The following NLK variants were observed in gnomAD, a reference collection of about 807,000 sequenced individuals.
NLK encodes serine/threonine-protein kinase NLK.
Under a neutral mutation model 59.0 loss-of-function variants are expected in NLK, and 11 were observed. The ratio of observed to expected loss-of-function variants is 0.19; its 90% CI spans 0.12 to 0.31. NLK has a LOEUF of 0.31. Among genes scored for constraint, NLK ranks in the 10% least tolerant of loss-of-function variants. The probability of loss-of-function intolerance (pLI) is 1.00; values close to 1 mark genes in which losing one functional copy is unlikely to be tolerated. For synonymous variants in NLK, 235 were observed against 235.9 expected (o/e 1.00, Z 0.03); for missense variants, 410 against 661.1 (o/e 0.62, Z 4.16).
intron 1 of NLK, among the ~76,000 whole-genome samples, chr17:28,104,554 G>A (rs117703964): frequency 0.012 from 1,868 of 151,850 alleles, 17 homozygotes; most frequent in Middle Eastern, 0.024. Flanking sequence ...ACACCCGGCC[G>A]GGTTTTAGTT....
intron 4 of NLK, among the ~76,000 whole-genome samples, chr17:28,161,941 C>A (rs1190735363): frequency 6.6e-6 from 1 of 150,958 alleles, no homozygotes; most frequent in Non-Finnish European, 1.5e-5. Context: ...AAATACTTTC[C>A]CCCTGCCCCA....
At chr17:28,112,820 G>A (rs1026116603) in intron 1 of NLK, among the ~76,000 whole-genome samples, 12 of 152,228 alleles carry the variant, frequency 7.9e-5, no homozygotes, top group Admixed American at 2.6e-4. Context: ...TGCTGACAGC[G>A]CTTTCCTGTG....
chr17:28,071,918 G>C (rs1910018444), intron 1 of NLK, among the ~76,000 whole-genome samples: 1 of 152,246 alleles, frequency 6.6e-6, no homozygotes, highest in African/African-American at 2.4e-5. Flanking sequence ...AGGGCTTGGA[G>C]TGTTTTCTCT....
rs758704569 is a variant in NLK at position 28,156,195 on chromosome 17, G to A, written c.645-4965G>A. 9.3e-4 allele frequency among the ~76,000 whole-genome samples: 141 copies of A among 152,068 alleles called. 1 individual carries two copies. The highest frequency in any genetic ancestry group is 1.6e-3 in the Non-Finnish European group (106 of 67,996). ...AGTAGTATATAAGTATATAACTTGCGTACCTCATGCTCAGCTTTAACAATA... is the reference window on the plus strand; with the variant it reads ...AGTAGTATATAAGTATATAACTTGCATACCTCATGCTCAGCTTTAACAATA... On this transcript the variant is annotated intron_variant, in intron 3 of 10. Coordinates refer to ENST00000407008, the MANE Select transcript of NLK (RefSeq NM_016231.5).
intron 1 of NLK, among the ~76,000 whole-genome samples, chr17:28,108,305 A>G (rs1054124836): frequency 1.4e-4 from 21 of 152,220 alleles, no homozygotes; most frequent in African/African-American, 5.1e-4. Flanking sequence ...ATTTGTAACT[A>G]AGATTTAATG....
chr17:28,201,115 T>G (rs1438847756), downstream of NLK, among the ~76,000 whole-genome samples: 4 of 152,244 alleles, frequency 2.6e-5, no homozygotes, highest in African/African-American at 9.6e-5. Flanking sequence ...GGTCTCCCTC[T>G]GTCGCCCAGA....
At chr17:28,190,988 G>T in intron 8 of NLK, 33 bp from the exon 9 acceptor site, 1 of 1,471,998 alleles carries the variant, frequency 6.8e-7, no homozygotes, top group South Asian at 1.3e-5. Context: ...TTTATCTGTA[G>T]TGTTGATGTG....
chr17:28,134,704 T>C (rs1906666426), intron 3 of NLK, among the ~76,000 whole-genome samples: 1 of 152,240 alleles, frequency 6.6e-6, no homozygotes, highest in Non-Finnish European at 1.5e-5. Context: ...GAAGGGTTAT[T>C]GGACTTGGGG....
At chr17:28,203,121 A>T in the NLK span, among the ~76,000 whole-genome samples, 38 of 151,690 alleles carry the variant, frequency 2.5e-4, no homozygotes, top group Non-Finnish European at 2.9e-5. Flanking sequence ...TGAAAAATAA[A>T]CACGCAAACA....
At position 28,132,600 on chromosome 17, in the gene NLK, T is replaced by C; in HGVS notation, c.589-20T>C. ...TCCTTTTTTGTTCTCTAAATTTGACTTTTTTTTTCCTTTTCTCAGGTACTC... is the reference window on the plus strand; with the variant it reads ...TCCTTTTTTGTTCTCTAAATTTGACCTTTTTTTTCCTTTTCTCAGGTACTC... On this transcript the variant is annotated intron_variant, in intron 2 of 10. Coordinates refer to ENST00000407008, the MANE Select transcript of NLK (RefSeq NM_016231.5). 1 of 1,556,844 alleles carries C rather than the reference T, an allele frequency of 6.4e-7. No individual in the cohort carries two copies. Among genetic ancestry groups the C allele is most frequent in the South Asian group, 1.2e-5 (1 of 85,150 alleles).
chr17:28,187,782 A>AAGTGAT (rs1342580945), intron 8 of NLK, among the ~76,000 whole-genome samples: 1 of 152,214 alleles, frequency 6.6e-6, no homozygotes, highest in Non-Finnish European at 1.5e-5. Context: ...TATCACACTT[A>AAGTGAT]ATTAAATGAA....
At chr17:28,123,869 C>T (rs1906178896) in intron 2 of NLK, among the ~76,000 whole-genome samples, 1 of 152,114 alleles carries the variant, frequency 6.6e-6, no homozygotes, top group East Asian at 1.9e-4. Context: ...AAAAGAAAAA[C>T]TGCCTCAAAT....
intron 7 of NLK, among the ~76,000 whole-genome samples, chr17:28,174,065 T>C (rs1443300590): frequency 6.6e-6 from 1 of 152,228 alleles, no homozygotes; most frequent in African/African-American, 2.4e-5. Context: ...GTCTGCTGTC[T>C]AGATAGAACG....
At chr17:28,202,143 C>T in the NLK span, among the ~76,000 whole-genome samples, 2 of 152,188 alleles carry the variant, frequency 1.3e-5, no homozygotes. Flanking sequence ...GACCTGTAAT[C>T]CCAACACTTT....
chr17:28,075,675 C>CA (rs1281985985), intron 1 of NLK, among the ~76,000 whole-genome samples: 2 of 152,108 alleles, frequency 1.3e-5, no homozygotes, highest in African/African-American at 2.4e-5. Flanking sequence ...CTATAAAGCC[C>CA]AGAGTCAAAT....
At chr17:28,094,345 A>G (rs1159441508) in intron 1 of NLK, among the ~76,000 whole-genome samples, 1 of 152,214 alleles carries the variant, frequency 6.6e-6, no homozygotes, top group African/African-American at 2.4e-5. Context: ...ACACATTTCA[A>G]TAAGGCTGCC....
rs188555541 is a variant in NLK, at chr17:28,120,684, G to A, written c.459-1919G>A. On this transcript the variant is annotated intron_variant, in intron 1 of 10. Coordinates refer to ENST00000407008, the MANE Select transcript of NLK (RefSeq NM_016231.5). ...GCCAATGGAAGAAAGTGAAGTCATC[G>A]TGTTGTTAAAAAATACTAGAATACT... Among the ~76,000 whole-genome samples the A allele has an allele frequency of 1.1e-4, 17 of 152,148 alleles. No individual in the cohort carries two copies. In the East Asian group the frequency reaches 1.9e-3, roughly 17 times the overall value.
chr17:28,055,124 C>T (rs1350214165), intron 1 of NLK, among the ~76,000 whole-genome samples: 2 of 139,474 alleles, frequency 1.4e-5, no homozygotes, highest in Non-Finnish European at 3.0e-5. Context: ...GACGGATTCT[C>T]GCTCTGTCAC....
At chr17:28,052,276 G>GT (rs1189337768) in intron 1 of NLK, among the ~76,000 whole-genome samples, 1 of 152,124 alleles carries the variant, frequency 6.6e-6, no homozygotes, top group Non-Finnish European at 1.5e-5. Flanking sequence ...AAAATTTAAT[G>GT]TTCAGTATTT....
Sources: allele counts gnomAD v4.1 joint callset (sites outside exome capture counted in the v4.1 genomes callset), GRCh38; gene constraint gnomAD v4.1.1; transcripts MANE v1.5; gene names NCBI Gene and HGNC (gene_info 2026-07-23, HGNC 2026-07-21).